The following XKR9 variants were observed in gnomAD, a reference collection of about 807,000 sequenced individuals.
The protein encoded by XKR9 is XK related 9, also known as XK-related protein 9.
In XKR9, 32 loss-of-function variants were observed where a neutral mutation model predicts 32.0. The ratio of observed to expected loss-of-function variants is 1.00; its 90% confidence interval spans 0.76 to 1.34. The LOEUF (loss-of-function observed/expected upper bound fraction) is 1.34. XKR9 is among the 40% of genes most tolerant of loss of function. The pLI is 0.00. For missense variants in XKR9, 546 were observed against 429.7 expected (o/e 1.27, Z -2.39); for synonymous variants, 168 against 143.4 (o/e 1.17, Z -1.22).
At chr8:71,045,100 A>G in the XKR9 span, among the ~76,000 whole-genome samples, 1 of 152,202 alleles carries the variant, frequency 6.6e-6, no homozygotes, top group Non-Finnish European at 1.5e-5. Flanking sequence ...AGGAGTAAAT[A>G]TAGTTTTACG....
intron 2 of XKR9, among the ~76,000 whole-genome samples, chr8:70,741,580 T>C (rs979680687): frequency 6.6e-6 from 1 of 152,236 alleles, no homozygotes; most frequent in Non-Finnish European, 1.5e-5. Flanking sequence ...ACTTCTTTTT[T>C]TAAGACTGAA....
chr8:70,755,641 C>G (rs62532099), intron 2 of XKR9, among the ~76,000 whole-genome samples: 48,284 of 151,246 alleles, frequency 0.32, 9,033 homozygotes, highest in Non-Finnish European at 0.43. Flanking sequence ...TCATCATTCT[C>G]AGTAAACTAT....
chr8:70,750,220 A>T (rs1048487779), intron 2 of XKR9, among the ~76,000 whole-genome samples: 5 of 152,194 alleles, frequency 3.3e-5, no homozygotes, highest in African/African-American at 4.8e-5. Flanking sequence ...ATGAGGTCAT[A>T]TAAATTAGGG....
the XKR9 span, among the ~76,000 whole-genome samples, chr8:70,977,657 A>T: frequency 6.6e-6 from 1 of 152,138 alleles, no homozygotes; most frequent in Non-Finnish European, 1.5e-5. Context: ...ACTTCCAGCT[A>T]TGTGGTCAGT....
At chr8:70,861,746 G>A in the XKR9 span, among the ~76,000 whole-genome samples, 3 of 152,106 alleles carry the variant, frequency 2.0e-5, no homozygotes, top group Non-Finnish European at 2.9e-5. Context: ...CTGGCACTTC[G>A]TAAGCACTGT....
chr8:70,921,358 C>T, the XKR9 span, among the ~76,000 whole-genome samples: 281 of 152,306 alleles, frequency 1.8e-3, 2 homozygotes, highest in African/African-American at 6.4e-3. Flanking sequence ...CTACTCCCTA[C>T]CTTTGCTTTT....
chr8:70,700,030 C>G (rs566187141), intron 3 of XKR9, among the ~76,000 whole-genome samples: 29 of 152,334 alleles, frequency 1.9e-4, no homozygotes, highest in African/African-American at 7.0e-4. Flanking sequence ...GCTTTCAGCT[C>G]CATCAGCTCC....
chr8:70,906,654 G>T, the XKR9 span, among the ~76,000 whole-genome samples: 1 of 152,166 alleles, frequency 6.6e-6, no homozygotes, highest in East Asian at 1.9e-4. Flanking sequence ...CATTCAGCTT[G>T]AATGATAAAT....
chr8:71,050,270 GATAGATATAGATATAGATATAGATATAT>G, the XKR9 span, among the ~76,000 whole-genome samples: 68 of 123,722 alleles, frequency 5.5e-4, 1 homozygote, highest in African/African-American at 2.1e-3. Context: ...TAGATAGATA[GATAGATATAGATATAGATATAGATATAT>G]ATATAGATAT....
At chr8:70,976,276 T>C in the XKR9 span, among the ~76,000 whole-genome samples, 12 of 152,150 alleles carry the variant, frequency 7.9e-5, no homozygotes, top group African/African-American at 2.9e-4. Context: ...ATAGGAGTGA[T>C]GAGAGAGGGC....
chr8:70,987,701 G>T, the XKR9 span, among the ~76,000 whole-genome samples: 48,488 of 152,034 alleles, frequency 0.32, 9,071 homozygotes, highest in Non-Finnish European at 0.43. Flanking sequence ...GAGGATGGTG[G>T]CCCTTTTCTC....
At chr8:70,812,612 A>G in the XKR9 span, among the ~76,000 whole-genome samples, 4 of 152,238 alleles carry the variant, frequency 2.6e-5, no homozygotes, top group Non-Finnish European at 4.4e-5. Flanking sequence ...TACAAAATCA[A>G]TGTACAAAAA....
the XKR9 span, among the ~76,000 whole-genome samples, chr8:71,012,035 G>GAA: frequency 7.3e-5 from 11 of 150,516 alleles, no homozygotes; most frequent in African/African-American, 2.0e-4. Flanking sequence ...TCTATAGGGG[G>GAA]AAAAAAAAAC....
chr8:70,740,262 G>A (rs1234470234), downstream of XKR9, among the ~76,000 whole-genome samples: 1 of 151,924 alleles, frequency 6.6e-6, no homozygotes, highest in Non-Finnish European at 1.5e-5. Flanking sequence ...GATCGCATTG[G>A]CTCCTGAGTC....
Position 70,754,188 on chromosome 8 carries a change from C to T in XKR9, n.353-35151C>T, listed in dbSNP as rs529380643. Among the ~76,000 whole-genome samples, 42 of 148,202 alleles carry T rather than the reference C, an allele frequency of 2.8e-4. 1 individual carries two copies. The highest frequency in any genetic ancestry group is 1.3e-4 in the Non-Finnish European group (9 of 67,344). On this transcript the variant is annotated intron_variant and non_coding_transcript_variant, in intron 2 of 3. Transcript: ENST00000520273. ...CAATTGCTACAAAGAGAATAAAATA[C>T]TTAGGAATCAACTTACAAGGGATGT...
chr8:70,977,924 T>C, the XKR9 span, among the ~76,000 whole-genome samples: 1 of 152,234 alleles, frequency 6.6e-6, no homozygotes, highest in African/African-American at 2.4e-5. Flanking sequence ...TGCTCCTGTA[T>C]TGGGTGCATG....
At chr8:70,677,510 C>T (rs1338175917) in intron 2 of XKR9, among the ~76,000 whole-genome samples, 1 of 152,132 alleles carries the variant, frequency 6.6e-6, no homozygotes, top group African/African-American at 2.4e-5. Context: ...TTCCCCTCTC[C>T]CTTTAATTTC....
At chr8:70,974,183 C>G in the XKR9 span, among the ~76,000 whole-genome samples, 1 of 150,324 alleles carries the variant, frequency 6.7e-6, no homozygotes, top group Non-Finnish European at 1.5e-5. Flanking sequence ...GTGATATTTT[C>G]CTGTTGGACA....
the XKR9 span, among the ~76,000 whole-genome samples, chr8:71,008,267 T>C: frequency 6.6e-6 from 1 of 152,222 alleles, no homozygotes; most frequent in African/African-American, 2.4e-5. Flanking sequence ...TTGCTCACCT[T>C]ATTTTTAGGG....
Sources: gnomAD v4.1 joint callset for allele counts (sites outside exome capture counted in the v4.1 genomes callset) on GRCh38, gnomAD v4.1.1 for gene constraint, MANE v1.5 for transcripts, NCBI Gene and HGNC (gene_info 2026-07-23, HGNC 2026-07-21) for gene names.